The following CROCC2 variants were observed in gnomAD, a reference collection of about 807,000 sequenced individuals.
The protein encoded by CROCC2 is ciliary rootlet coiled-coil, rootletin family member 2.
In CROCC2, 163 loss-of-function variants were observed where a neutral mutation model predicts 177.6. That is an observed-to-expected ratio of 0.92 (90% CI 0.81 to 1.05). The LOEUF (loss-of-function observed/expected upper bound fraction) is 1.05, where lower values mean the gene tolerates loss of function less well. Among genes scored for constraint, CROCC2 ranks in the 50% least tolerant of loss-of-function variants. The pLI is 0.00. For missense variants in CROCC2, 1,929 were observed against 1,797.8 expected, an observed-to-expected ratio of 1.07 and a Z score of -1.32; for synonymous variants, 904 against 787.3, an observed-to-expected ratio of 1.15 and a Z score of -2.48.
chr2:240,967,339 G>T lies in CROCC2; in HGVS notation c.4147-6G>T, dbSNP rs1220174301. 2.9e-6 allele frequency: 2 copies of T among 701,290 alleles called. No individual in the cohort carries two copies. Among genetic ancestry groups the T allele is most frequent in the Non-Finnish European group, 5.3e-6 (2 of 377,560 alleles). The allele number at this position is 701,290 out of a possible 1,614,324, so 43.4% of individuals were successfully genotyped here. ...TGCCCCCGCTGACCTCAGTCCTTCT[G>T]CCCAGGATGACTCCCGCATCCAGAT... On this transcript the variant is annotated splice_region_variant and splice_polypyrimidine_tract_variant and intron_variant, in intron 25 of 31. Coordinates refer to ENST00000690015, the MANE Select transcript of CROCC2 (RefSeq NM_001351305.2).
intron 11 of CROCC2, among the ~76,000 whole-genome samples, 186 bp downstream of exon 11, chr2:240,934,038 A>T (rs1436968957): frequency 6.6e-6 from 1 of 152,126 alleles, no homozygotes; most frequent in Non-Finnish European, 1.5e-5. Flanking sequence ...CATCCTCCAG[A>T]CCAACCCTCA....
At chr2:240,934,251 G>A (rs1343134836) in intron 11 of CROCC2, 80 bp from the exon 12 acceptor site, 2 of 1,477,052 alleles carry the variant, frequency 1.4e-6, no homozygotes, top group Non-Finnish European at 9.1e-7. Flanking sequence ...GGGAGTTGCA[G>A]GTGGTCGCCT....
At chr2:240,962,094 ACACT>A (rs2059646334) in intron 20 of CROCC2, among the ~76,000 whole-genome samples, 16 of 151,450 alleles carry the variant, frequency 1.1e-4, no homozygotes, top group Non-Finnish European at 2.2e-4. Context: ...ACACACACAC[ACACT>A]CTCACCCTCC....
intron 1 of CROCC2, among the ~76,000 whole-genome samples, chr2:240,911,490 G>C (rs942250424): frequency 2.0e-5 from 3 of 152,074 alleles, no homozygotes; most frequent in Non-Finnish European, 2.9e-5. Flanking sequence ...TGGAGACGAG[G>C]TTTCGCCACG....
chr2:240,943,717 T>A (rs1373426575), intron 14 of CROCC2, among the ~76,000 whole-genome samples: 3 of 152,232 alleles, frequency 2.0e-5, no homozygotes, highest in East Asian at 1.9e-4. Flanking sequence ...CGAGCTCAGG[T>A]GATCTGCCCA....
intron 18 of CROCC2, chr2:240,955,637 G>T: frequency 1.9e-6 from 1 of 525,782 alleles, no homozygotes; most frequent in Non-Finnish European, 3.4e-6. Context: ...GTCGGACAGA[G>T]GGCAGGCGCT....
intron 27 of CROCC2, among the ~76,000 whole-genome samples, chr2:240,975,369 G>C (rs1358217757): frequency 6.6e-6 from 1 of 152,222 alleles, no homozygotes; most frequent in African/African-American, 2.4e-5. Context: ...GGACTGTCCA[G>C]AGCTAACTCT....
chr2:240,963,859 G>A (rs2059659233), intron 21 of CROCC2, 86 bp downstream of exon 21: 1 of 1,394,794 alleles, frequency 7.2e-7, no homozygotes, highest in Non-Finnish European at 9.8e-7. Context: ...AAGGGGGCTA[G>A]GCAGGGGCGT....
chr2:240,913,934 T>C (rs1029019679), intron 1 of CROCC2, among the ~76,000 whole-genome samples: 13 of 152,210 alleles, frequency 8.5e-5, no homozygotes, highest in African/African-American at 3.1e-4. Flanking sequence ...TCCTCAGATG[T>C]GTTCTTCAAG....
In CROCC2 at chr2:240,963,651, G is replaced by A. The variant is rs2059657768; in HGVS notation, c.3183G>A (p.Leu1061=). 1 of 1,549,848 alleles carries A rather than the reference G, an allele frequency of 6.5e-7. No individual in the cohort carries two copies. The highest frequency in any genetic ancestry group is 2.0e-5 in the Admixed American group (1 of 50,978). The change falls in exon 21 of 32, where the codon CTG becomes CTA. Residue 1061 remains leucine, a synonymous_variant. Transcript: ENST00000690015. ...LQGVEESREG[L]HREAQEARRA... Reference sequence around the variant, plus strand: ...GCGTCGAGGAGAGCCGGGAGGGGCTGCACAGGGAGGCCCAGGAGGCCCGCC... The same window carrying A: ...GCGTCGAGGAGAGCCGGGAGGGGCTACACAGGGAGGCCCAGGAGGCCCGCC...
At chr2:240,928,420 T>TTGTGTGTG (rs58145871) in intron 5 of CROCC2, among the ~76,000 whole-genome samples, 2,711 of 147,730 alleles carry the variant, frequency 0.018, 68 homozygotes, top group African/African-American at 0.054. Context: ...TGTGCCTGTT[T>TTGTGTGTG]TGTGTGTGTG....
Position 240,966,296 on chromosome 2 carries a change from C to G in CROCC2, c.4033C>G (p.Arg1345Gly), listed in dbSNP as rs993178011. 1 of 445,876 alleles carries G rather than the reference C, an allele frequency of 2.2e-6. No homozygotes were observed. Among genetic ancestry groups the G allele is most frequent in the Non-Finnish European group, 3.8e-6 (1 of 266,658 alleles). 27.6% of individuals were successfully genotyped at this position (445,876 alleles called of 1,614,324 possible). A position where few individuals can be genotyped will look rare whatever the true frequency, so the allele number is the denominator to read the frequency against. The change falls in exon 25 of 32, where the codon CGA becomes GGA. Residue 1345 changes from arginine to glycine, a missense_variant. Arg to Gly is a moderately radical substitution (Grantham distance 125). This residue lies in a region of CROCC2 where 388 missense variants were observed against 352.7 expected (regional missense o/e 1.10). Coordinates refer to ENST00000690015, the MANE Select transcript of CROCC2 (RefSeq NM_001351305.2). Reference protein sequence around the residue: ...SPPARPHSPLRWPSPTPGGRS... With the variant: ...SPPARPHSPLGWPSPTPGGRS... ...CCCAGCCAGGCCCCACTCGCCCCTC[C>G]GATGGCCCTCGCCCACACCCGGAGG...
Position 240,934,448 on chromosome 2 carries a change from G to A in CROCC2, c.1764G>A (p.Arg588=). 3 of 1,548,394 alleles carry A rather than the reference G, an allele frequency of 1.9e-6. No homozygotes were observed. Among genetic ancestry groups the A allele is most frequent in the Non-Finnish European group, 2.6e-6 (3 of 1,146,820 alleles). ...AGCGGGATGTCGTGGAGAGTGAGAG[G>A]GAGGGACTGCGCAGCGCCCTGGCGC... ...QLQRDVVESE[R]EGLRSALARA... The change falls in exon 12 of 32, where the codon AGG becomes AGA. Residue 588 remains arginine (R), a synonymous_variant. Transcript: ENST00000690015.
Position 240,963,443 on chromosome 2 carries a change from A to C in CROCC2, c.3088-113A>C, listed in dbSNP as rs920994540. On this transcript the variant is annotated intron_variant, in intron 20 of 31. Transcript: ENST00000690015. ...GGGTGAGCAAAGCGCATGGGGACCA[A>C]GTTGGGCAGGGCACCTGTGCCTGCC... 55 of 1,147,938 alleles carry C rather than the reference A, an allele frequency of 4.8e-5. No individual in the cohort carries two copies. The African/African-American group carries it at 8.0e-4, about 17-fold the overall frequency. 71.1% of individuals were successfully genotyped at this position (1,147,938 alleles called of 1,614,324 possible).
chr2:240,912,126 G>C (rs113611744), intron 1 of CROCC2, among the ~76,000 whole-genome samples: 4 of 152,118 alleles, frequency 2.6e-5, no homozygotes, highest in African/African-American at 9.7e-5. Flanking sequence ...TCTGACGTAC[G>C]CACTTCCCTC....
Position 240,976,123 on chromosome 2 carries a change from C to A in CROCC2, c.4402-6757C>A, listed in dbSNP as rs116381198. 8.9e-3 allele frequency among the ~76,000 whole-genome samples: 1,354 copies of A among 152,352 alleles called. 28 individuals carry two copies. Among genetic ancestry groups the A allele is most frequent in the African/African-American group, 0.031 (1,306 of 41,570 alleles). ...CTGACACTGCAGCCCCACATGCTGG[C>A]TCCAAGACCGGGCTCATCCCTGCTC... On this transcript the variant is annotated intron_variant, in intron 27 of 31. Coordinates refer to ENST00000690015, the MANE Select transcript of CROCC2 (RefSeq NM_001351305.2).
In CROCC2 at chr2:240,931,123, G is replaced by A; in HGVS notation, c.942G>A (p.Gln314=). The A allele has an allele frequency of 1.4e-6, 1 of 710,314 alleles. No individual in the cohort carries two copies. The highest frequency in any genetic ancestry group is 1.5e-5 in the South Asian group (1 of 67,300). 44.0% of individuals were successfully genotyped at this position (710,314 alleles called of 1,614,324 possible). A position where few individuals can be genotyped will look rare whatever the true frequency, so the allele number is the denominator to read the frequency against. ...GRWDAEKVAL[Q]ARLSEQTLLV... ...GGGACGCAGAGAAGGTGGCGCTCCA[G>A]GCCAGGTGGGCGCCCAGGGCCAGCA... Residue 314 remains glutamine (Q), a synonymous_variant, in exon 7 of 32, where the codon CAG becomes CAA. Coordinates refer to ENST00000690015, the MANE Select transcript of CROCC2 (RefSeq NM_001351305.2).
intron 20 of CROCC2, among the ~76,000 whole-genome samples, chr2:240,962,096 A>ACACACT (rs1242591332): frequency 2.0e-5 from 3 of 149,074 alleles, no homozygotes; most frequent in African/African-American, 7.5e-5. Context: ...ACACACACAC[A>ACACACT]CTCTCACCCT....
intron 31 of CROCC2, 70 bp downstream of exon 31, chr2:240,991,348 C>T: frequency 3.6e-6 from 5 of 1,408,026 alleles, no homozygotes; most frequent in Non-Finnish European, 4.8e-6. Context: ...GCAGGCGGCC[C>T]TGGGGAAGGT....
Sources: allele counts gnomAD v4.1 joint callset (sites outside exome capture counted in the v4.1 genomes callset), GRCh38; gene constraint gnomAD v4.1.1; regional missense constraint gnomAD v4.1.1; transcripts MANE v1.5; gene names NCBI Gene and HGNC (gene_info 2026-07-23, HGNC 2026-07-21).